The following DNER variants were observed in gnomAD, a reference collection of about 807,000 sequenced individuals.
DNER encodes the protein delta and Notch-like epidermal growth factor-related receptor.
A neutral mutation model predicts 78.2 loss-of-function variants in DNER; 33 were observed. That is an observed-to-expected ratio of 0.42 (90% CI 0.32 to 0.56). The LOEUF (loss-of-function observed/expected upper bound fraction) is 0.56, where lower values mean the gene tolerates loss of function less well. Ranked by LOEUF, DNER falls within the 20% of genes least tolerant of loss-of-function variation. The probability of loss-of-function intolerance (pLI) is 0.11; values close to 1 mark genes in which losing one functional copy is unlikely to be tolerated. For missense variants in DNER, 918 were observed against 975.3 expected (o/e 0.94, Z 0.78); for synonymous variants, 417 against 384.8 (o/e 1.08, Z -0.98).
intron 4 of DNER, 58 bp from the exon 5 acceptor site, chr2:229,547,150 G>A: frequency 6.3e-7 from 1 of 1,596,408 alleles, no homozygotes; most frequent in Non-Finnish European, 8.5e-7. Flanking sequence ...AAGGCAGTGT[G>A]TTGAAAGCTT....
chr2:229,652,923 T>C (rs558091098), intron 1 of DNER, among the ~76,000 whole-genome samples: 106 of 152,162 alleles, frequency 7.0e-4, no homozygotes, highest in South Asian at 4.2e-3. Context: ...GCGGCATGGG[T>C]AGTATGTTAA....
intron 7 of DNER, among the ~76,000 whole-genome samples, chr2:229,449,514 T>C (rs1694408065): frequency 6.6e-6 from 1 of 152,058 alleles, no homozygotes; most frequent in African/African-American, 2.4e-5. Context: ...CAAGCCACCC[T>C]ACAGCTTGCA....
chr2:229,447,527 A>G lies in DNER; in HGVS notation c.1275T>C (p.Ser425=), dbSNP rs1172670358. ...TCQCPEGYFG[S]ACEEKVDPCA... ...AGGGGTCCACCTTTTCTTCACAAGC[A>G]GATCCGAAGTATCCTGTGAAAAAAC... The change falls in exon 8 of 13, where the codon TCT becomes TCC. Residue 425 remains serine, a synonymous_variant. Transcript: ENST00000341772. 7 of 1,614,118 alleles carry G rather than the reference A, an allele frequency of 4.3e-6. No homozygotes were observed. The highest frequency in any genetic ancestry group is 5.9e-6 in the Non-Finnish European group (7 of 1,179,992).
intron 6 of DNER, among the ~76,000 whole-genome samples, chr2:229,492,618 G>A (rs1019112007): frequency 6.6e-6 from 1 of 152,170 alleles, no homozygotes; most frequent in Non-Finnish European, 1.5e-5. Context: ...GCTTCACACA[G>A]AGGTGAGTTC....
chr2:229,700,137 T>C (rs971992046), intron 1 of DNER, among the ~76,000 whole-genome samples: 3 of 152,124 alleles, frequency 2.0e-5, no homozygotes, highest in African/African-American at 7.2e-5. Context: ...AATATCATGT[T>C]TTACCTATCA....
At chr2:229,618,652 T>C (rs1698206046) in intron 1 of DNER, among the ~76,000 whole-genome samples, 1 of 152,236 alleles carries the variant, frequency 6.6e-6, no homozygotes, top group Admixed American at 6.5e-5. Context: ...GTCCAAATTG[T>C]TATGTTGCAC....
intron 1 of DNER, among the ~76,000 whole-genome samples, chr2:229,659,845 T>C (rs4491719): frequency 0.13 from 19,357 of 152,226 alleles, 3,043 homozygotes; most frequent in African/African-American, 0.37. Flanking sequence ...CAGAGCACGC[T>C]GGCGGCTGCA....
At chr2:229,442,295 C>T (rs974253028) in intron 8 of DNER, among the ~76,000 whole-genome samples, 2 of 152,242 alleles carry the variant, frequency 1.3e-5, no homozygotes, top group South Asian at 2.1e-4. Context: ...GCAGGCAGAT[C>T]AAGAGGTCAG....
At chr2:229,481,947 T>A (rs1338595184) in intron 6 of DNER, among the ~76,000 whole-genome samples, 1 of 152,140 alleles carries the variant, frequency 6.6e-6, no homozygotes, top group African/African-American at 2.4e-5. Context: ...AGCTCCCAAG[T>A]GGAAGGTGGG....
chr2:229,375,834 C>T (rs1692584860), intron 11 of DNER, among the ~76,000 whole-genome samples: 1 of 152,198 alleles, frequency 6.6e-6, no homozygotes, highest in African/African-American at 2.4e-5. Context: ...TTTGTGTCCC[C>T]ACCCAAATCT....
At chr2:229,711,944 C>T (rs6753309) in intron 1 of DNER, among the ~76,000 whole-genome samples, 22,664 of 151,746 alleles carry the variant, frequency 0.15, 1,853 homozygotes, top group African/African-American at 0.21. Context: ...AGTCTTACTG[C>T]GAGATCATGA....
intron 6 of DNER, among the ~76,000 whole-genome samples, chr2:229,502,602 G>A (rs549938330): frequency 2.6e-5 from 4 of 152,176 alleles, no homozygotes; most frequent in East Asian, 1.9e-4. Flanking sequence ...TTTACCCTGC[G>A]GAAGATGAAA....
intron 4 of DNER, among the ~76,000 whole-genome samples, chr2:229,561,080 G>A (rs1696950143): frequency 3.9e-5 from 6 of 152,270 alleles, no homozygotes; most frequent in Middle Eastern, 3.4e-3. Context: ...TGTAAGGCAC[G>A]TTTAGATGCT....
chr2:229,383,904 G>A (rs891085599), intron 11 of DNER, among the ~76,000 whole-genome samples: 1 of 152,114 alleles, frequency 6.6e-6, no homozygotes, highest in Non-Finnish European at 1.5e-5. Context: ...TCTGGACCAA[G>A]CAGACCTAAT....
At chr2:229,673,567 G>C (rs1370424249) in intron 1 of DNER, among the ~76,000 whole-genome samples, 1 of 152,184 alleles carries the variant, frequency 6.6e-6, no homozygotes, top group Non-Finnish European at 1.5e-5. Flanking sequence ...CAGATACACT[G>C]CCTGTGCTTT....
intron 3 of DNER, among the ~76,000 whole-genome samples, chr2:229,587,455 C>T (rs1368391238): frequency 1.3e-5 from 2 of 152,006 alleles, no homozygotes; most frequent in Non-Finnish European, 2.9e-5. Flanking sequence ...GTAACAAAGT[C>T]CCTCTTCCAA....
At chr2:229,396,382 G>A (rs1693142927) in intron 10 of DNER, among the ~76,000 whole-genome samples, 1 of 152,136 alleles carries the variant, frequency 6.6e-6, no homozygotes, top group African/African-American at 2.4e-5. Flanking sequence ...TAAAATACTA[G>A]TTAATATGGA....
At chr2:229,560,501 C>T (rs1696935918) in intron 4 of DNER, among the ~76,000 whole-genome samples, 1 of 152,058 alleles carries the variant, frequency 6.6e-6, no homozygotes, top group Admixed American at 6.6e-5. Context: ...TGCATTAACT[C>T]GGAGGTGGGG....
rs572399306 is a variant in DNER, at chr2:229,590,120, T to C, written c.585+1460A>G. Among the ~76,000 whole-genome samples the C allele has an allele frequency of 2.4e-3, 364 of 152,226 alleles. 2 individuals carry two copies. The highest frequency in any genetic ancestry group is 4.1e-3 in the Non-Finnish European group (276 of 68,032). On this transcript the variant is annotated intron_variant, in intron 2 of 12. Transcript: ENST00000341772. ...CACAGGTTTATATGGATGTCATACA[T>C]ATAAAGTATAAGATATAGAATGGAA...
Sources: allele counts gnomAD v4.1 joint callset (sites outside exome capture counted in the v4.1 genomes callset), GRCh38; gene constraint gnomAD v4.1.1; transcripts MANE v1.5; gene names NCBI Gene and HGNC (gene_info 2026-07-23, HGNC 2026-07-21).